NEDD4L: variants seen among roughly 807,000 people sequenced by gnomAD.
NEDD4L encodes E3 ubiquitin-protein ligase NEDD4-like.
NEDD4L carries 54 observed loss-of-function variants against 148.9 expected under a neutral mutation model. The observed-to-expected ratio is 0.36, with a 90% CI of 0.29 to 0.45. NEDD4L has a LOEUF of 0.45. Ranked by LOEUF, NEDD4L falls within the 20% of genes least tolerant of loss-of-function variation. The pLI is 1.00. For synonymous variants in NEDD4L, 433 were observed against 440.7 expected (o/e 0.98, Z 0.22); for missense variants, 856 against 1,233.8 (o/e 0.69, Z 4.59).
chr18:58,206,094 C>T (rs2041954875), intron 2 of NEDD4L, among the ~76,000 whole-genome samples: 2 of 152,150 alleles, frequency 1.3e-5, no homozygotes, highest in Non-Finnish European at 2.9e-5. Context: ...ACAGGATGCA[C>T]TGAAACTTTC....
chr18:58,303,568 G>A (rs1037749775), intron 5 of NEDD4L, among the ~76,000 whole-genome samples: 2 of 152,168 alleles, frequency 1.3e-5, no homozygotes, highest in Non-Finnish European at 2.9e-5. Context: ...GATTTCCCTG[G>A]CAGCCACATA....
intron 10 of NEDD4L, 48 bp downstream of exon 10, chr18:58,329,175 A>G (rs768794353): frequency 4.4e-6 from 7 of 1,591,736 alleles, no homozygotes; most frequent in Admixed American, 3.4e-5. Context: ...CCTTCTTCCC[A>G]TGTTCTCCAG....
chr18:58,242,398 C>T (rs17064520), intron 2 of NEDD4L, among the ~76,000 whole-genome samples: 29,597 of 152,088 alleles, frequency 0.19, 3,200 homozygotes, highest in East Asian at 0.44. Flanking sequence ...CATTCATGAG[C>T]AGGCTGAAGT....
Position 58,256,862 on chromosome 18 carries a change from G to T in NEDD4L, c.297+4808G>T, listed in dbSNP as rs2048658053. The T allele has an allele frequency of 1.8e-6, 2 of 1,138,674 alleles. No individual in the cohort carries two copies. Among genetic ancestry groups the T allele is most frequent in the East Asian group, 6.4e-5 (2 of 31,280 alleles). The allele number at this position is 1,138,674 out of a possible 1,614,324, so 70.5% of individuals were successfully genotyped here. On this transcript the variant is annotated intron_variant, in intron 5 of 30. Transcript: ENST00000400345. The surrounding 1 kb of genome is among the most constrained non-coding windows in gnomAD (Gnocchi z 5.2). ...TAACCAAAATAAAACCTCACCCTCT[G>T]TTCCGGGAGTTTCCCTGCTTCAGGC...
intron 13 of NEDD4L, among the ~76,000 whole-genome samples, chr18:58,339,363 C>T (rs745755976): frequency 6.6e-6 from 1 of 152,144 alleles, no homozygotes; most frequent in African/African-American, 2.4e-5. Flanking sequence ...TTGAAGTGCC[C>T]GGATCCACGT....
intron 5 of NEDD4L, among the ~76,000 whole-genome samples, chr18:58,287,260 C>G (rs924120451): frequency 6.6e-6 from 1 of 152,138 alleles, no homozygotes; most frequent in Non-Finnish European, 1.5e-5. Context: ...TTCTGTTTAC[C>G]TACTGCCAAA....
chr18:58,044,518 G>C lies in NEDD4L; in HGVS notation c.-143G>C, dbSNP rs1036610816. On this transcript the variant is annotated 5_prime_UTR_variant, in exon 1 of 31. Transcript: ENST00000400345. ...GCGCTCTCGGGCACCCTCACCTGCCGGCGCCCGGCCGCTTACCCGGCAGGG... is the reference window on the plus strand; with the variant it reads ...GCGCTCTCGGGCACCCTCACCTGCCCGCGCCCGGCCGCTTACCCGGCAGGG... The C allele has an allele frequency of 8.5e-7, 1 of 1,176,402 alleles. No individual in the cohort carries two copies. 72.9% of individuals were successfully genotyped at this position (1,176,402 alleles called of 1,614,324 possible). A position where few individuals can be genotyped will look rare whatever the true frequency, so the allele number is the denominator to read the frequency against.
At chr18:58,126,599 T>C (rs1400374198) in intron 1 of NEDD4L, among the ~76,000 whole-genome samples, 1 of 152,232 alleles carries the variant, frequency 6.6e-6, no homozygotes, top group Non-Finnish European at 1.5e-5. Context: ...TGAACACTTG[T>C]GTGCAGGTTT....
intron 2 of NEDD4L, among the ~76,000 whole-genome samples, chr18:58,215,328 C>T (rs973043898): frequency 1.1e-4 from 17 of 152,146 alleles, no homozygotes; most frequent in Non-Finnish European, 1.9e-4. Flanking sequence ...TTTTCATCTT[C>T]GACATTATGG....
chr18:58,233,897 G>A (rs1188667629), intron 2 of NEDD4L, among the ~76,000 whole-genome samples: 1 of 151,962 alleles, frequency 6.6e-6, no homozygotes, highest in African/African-American at 2.4e-5. Context: ...CTGTTCCTTG[G>A]CCTGTAAATG....
In NEDD4L at chr18:58,256,519, GC is replaced by G; in HGVS notation, c.297+4466del. On this transcript the variant is annotated intron_variant, in intron 5 of 30. Transcript: ENST00000400345. The surrounding 1 kb of genome is among the most constrained non-coding windows in gnomAD (Gnocchi z 5.2). Reference sequence around the variant, plus strand: ...CGTACCCCACGCAGCCCCGAAGCGAGCGAGGGAGCCCCACGGAAGATCGGGG... The same window carrying G: ...CGTACCCCACGCAGCCCCGAAGCGAGGAGGGAGCCCCACGGAAGATCGGGG... 5.7e-6 allele frequency: 7 copies of G among 1,232,312 alleles called. No homozygotes were observed. The highest frequency in any genetic ancestry group is 7.1e-6 in the Non-Finnish European group (7 of 988,068). 76.3% of individuals were successfully genotyped at this position (1,232,312 alleles called of 1,614,324 possible). A position where few individuals can be genotyped will look rare whatever the true frequency, so the allele number is the denominator to read the frequency against.
intron 5 of NEDD4L, among the ~76,000 whole-genome samples, chr18:58,300,267 T>C (rs1270971948): frequency 6.6e-6 from 1 of 152,246 alleles, no homozygotes; most frequent in Non-Finnish European, 1.5e-5. Context: ...GCCTTGTATA[T>C]GCTAATAGTT....
intron 24 of NEDD4L, among the ~76,000 whole-genome samples, chr18:58,382,834 A>C (rs2048527955): frequency 6.6e-6 from 1 of 152,330 alleles, no homozygotes; most frequent in South Asian, 2.1e-4. Flanking sequence ...AATACCATGC[A>C]TCCTTTTTTT....
chr18:58,332,635 G>A (rs765927387), intron 11 of NEDD4L, among the ~76,000 whole-genome samples: 2 of 151,754 alleles, frequency 1.3e-5, no homozygotes, highest in Non-Finnish European at 2.9e-5. Flanking sequence ...GCAACAGAGT[G>A]ACACTTTTAT....
At chr18:58,056,907 T>TG (rs2082111735) in intron 1 of NEDD4L, among the ~76,000 whole-genome samples, 1 of 148,058 alleles carries the variant, frequency 6.8e-6, no homozygotes, top group African/African-American at 2.5e-5. Context: ...TTTTTTTTTT[T>TG]TTTGTTTGTT....
intron 1 of NEDD4L, among the ~76,000 whole-genome samples, chr18:58,108,134 G>C (rs2085189300): frequency 6.6e-6 from 1 of 152,236 alleles, no homozygotes; most frequent in African/African-American, 2.4e-5. Flanking sequence ...AAGAGATACT[G>C]TGTTAGCTGA....
chr18:58,136,043 GAAGATTATAAATGTAA>G (rs2032808895), intron 1 of NEDD4L, among the ~76,000 whole-genome samples: 1 of 152,216 alleles, frequency 6.6e-6, no homozygotes, highest in Non-Finnish European at 1.5e-5. Flanking sequence ...TAAGGATTAA[GAAGATTATAAATGTAA>G]ACTCAGCTTG....
At chr18:58,182,773 C>T (rs1055528604) in intron 2 of NEDD4L, among the ~76,000 whole-genome samples, 2 of 152,166 alleles carry the variant, frequency 1.3e-5, no homozygotes, top group Admixed American at 6.5e-5. Flanking sequence ...TGAGCCACTG[C>T]GCCTGGCCTG....
intron 6 of NEDD4L, among the ~76,000 whole-genome samples, chr18:58,320,830 G>T (rs762791834): frequency 9.9e-5 from 15 of 151,900 alleles, no homozygotes; most frequent in Non-Finnish European, 1.9e-4. Context: ...ATAAATAAAT[G>T]TTGGTTTAAT....
Sources: allele counts gnomAD v4.1 joint callset (sites outside exome capture counted in the v4.1 genomes callset), GRCh38; gene constraint gnomAD v4.1.1; non-coding constraint Gnocchi (gnomAD v3.1); transcripts MANE v1.5; gene names NCBI Gene and HGNC (gene_info 2026-07-23, HGNC 2026-07-21).